Variants in ETV5 observed in about 807,000 individuals in gnomAD.
ETV5 encodes ETS translocation variant 5.
In ETV5, 10 loss-of-function variants were observed where a neutral mutation model predicts 70.0. The ratio of observed to expected loss-of-function variants is 0.14; its 90% CI spans 0.09 to 0.24. The LOEUF is 0.24. Ranked by LOEUF, ETV5 falls within the 10% of genes least tolerant of loss-of-function variation. The probability of loss-of-function intolerance (pLI) is 1.00; values close to 1 mark genes in which losing one functional copy is unlikely to be tolerated. For missense variants in ETV5, 453 were observed against 651.2 expected, an observed-to-expected ratio of 0.70 and a Z score of 3.31; for synonymous variants, 216 against 242.2, an observed-to-expected ratio of 0.89 and a Z score of 1.01.
chr3:186,107,157 A>G (rs1578565985), intron 1 of ETV5, among the ~76,000 whole-genome samples: 2 of 152,346 alleles, frequency 1.3e-5, no homozygotes, highest in East Asian at 3.9e-4. Flanking sequence ...CCAAGGAATC[A>G]GATATTTTCA....
rs552643410 is a variant in ETV5, at chr3:186,105,438, A to G, written c.181+11T>C. ...GTTTTATATGGAAAATAGGACATCCATGAAACTTGCCTTCAGCTAACCAAG... is the reference window on the plus strand; with the variant it reads ...GTTTTATATGGAAAATAGGACATCCGTGAAACTTGCCTTCAGCTAACCAAG... On this transcript the variant is annotated intron_variant, in intron 4 of 12. Coordinates refer to ENST00000306376, the MANE Select transcript of ETV5 (RefSeq NM_004454.3). The surrounding 1 kb of genome is among the most constrained non-coding windows in gnomAD (Gnocchi z 4.5). 5.9e-5 allele frequency: 96 copies of G among 1,614,038 alleles called. 1 individual carries two copies. In the South Asian group the frequency reaches 6.6e-4, roughly 11 times the overall value.
intron 5 of ETV5, among the ~76,000 whole-genome samples, chr3:186,097,882 G>T (rs1279322141): frequency 6.6e-6 from 1 of 152,204 alleles, no homozygotes; most frequent in Admixed American, 6.5e-5. Flanking sequence ...GCACAATGGG[G>T]TCTGGTTATT....
intron 7 of ETV5, among the ~76,000 whole-genome samples, chr3:186,071,906 T>C (rs1578547450): frequency 2.6e-5 from 4 of 151,800 alleles, no homozygotes; most frequent in Admixed American, 2.6e-4. Flanking sequence ...CAAGCAATTC[T>C]ACTGACTCAG....
At position 186,093,298 on chromosome 3, in the gene ETV5, G is replaced by T. The variant is rs189714787; in HGVS notation, c.232+12007C>A. On this transcript the variant is annotated intron_variant, in intron 5 of 12. Transcript: ENST00000306376. ...CAAGGAGGTTACACTTTACAGAAAA[G>T]GGCCTTAGTTGGGAGCATTCTCACA... Among the ~76,000 whole-genome samples the T allele has an allele frequency of 3.3e-5, 5 of 152,224 alleles. No individual in the cohort carries two copies. In the East Asian group the frequency reaches 9.6e-4, roughly 29 times the overall value.
chr3:186,073,548 T>C (rs1185019213), intron 7 of ETV5, among the ~76,000 whole-genome samples: 3 of 152,198 alleles, frequency 2.0e-5, no homozygotes, highest in Admixed American at 6.5e-5. Flanking sequence ...TCTACAATCA[T>C]TTAAAAATAC....
chr3:186,067,661 T>C (rs1466240454), intron 7 of ETV5, among the ~76,000 whole-genome samples: 1 of 150,374 alleles, frequency 6.7e-6, no homozygotes, highest in Non-Finnish European at 1.5e-5. Context: ...ATATGAAAAC[T>C]TACAAAACTT....
chr3:186,067,739 C>T (rs1468223493), intron 7 of ETV5, among the ~76,000 whole-genome samples: 1 of 152,124 alleles, frequency 6.6e-6, no homozygotes, highest in East Asian at 1.9e-4. Context: ...GGATATACCT[C>T]ACTGTATAAA....
intron 5 of ETV5, among the ~76,000 whole-genome samples, chr3:186,084,665 C>T (rs975916911): frequency 1.3e-5 from 2 of 152,114 alleles, no homozygotes; most frequent in Non-Finnish European, 2.9e-5. Context: ...TTCAAGCCCT[C>T]ACATTTATAG....
rs182651924 is a variant in ETV5 at position 186,065,926 on chromosome 3, T to C, written c.797A>G (p.Tyr266Cys). The C allele has an allele frequency of 1.9e-5, 31 of 1,613,272 alleles. No individual in the cohort carries two copies. Among genetic ancestry groups the C allele is most frequent in the Admixed American group, 1.0e-4 (6 of 59,870 alleles). The change falls in exon 8 of 13, where the codon TAC becomes TGC. Residue 266 changes from tyrosine to cysteine, a missense_variant. Around this residue, in one of 4 missense-constraint regions of ETV5, gnomAD observed 307 missense variants for 344.9 expected, o/e 0.89. Coordinates refer to ENST00000306376, the MANE Select transcript of ETV5 (RefSeq NM_004454.3). ...PPPPQGFKQE[Y>C]HDPLYEHGVP... is the part of the protein sequence containing the mutation. ...CCCATGTTCATAGAGTGGGTCATGG[T>C]ATTCTTGTTTGAATCCCTGAGGGGG...
chr3:186,046,673 AG>A lies in ETV5; in HGVS notation c.*1965del, dbSNP rs200001879. Reference sequence around the variant, plus strand: ...CTAAGACAGCATAAATCCATTCAAAAGAAAAAAAAAAAAAATCCAAACCAGG... The same window carrying A: ...CTAAGACAGCATAAATCCATTCAAAAAAAAAAAAAAAAAATCCAAACCAGG... On this transcript the variant is annotated 3_prime_UTR_variant, in exon 13 of 13. Coordinates refer to ENST00000306376, the MANE Select transcript of ETV5 (RefSeq NM_004454.3). The A allele has an allele frequency of 0.21, 34,367 of 167,106 alleles. 907 individuals carry two copies. The highest frequency in any genetic ancestry group is 0.32 in the East Asian group (3,637 of 11,298). The allele number at this position is 167,106 out of a possible 1,614,324, so 10.4% of individuals were successfully genotyped here.
At chr3:186,089,971 A>G (rs539184933) in intron 5 of ETV5, among the ~76,000 whole-genome samples, 2 of 152,358 alleles carry the variant, frequency 1.3e-5, no homozygotes, top group Admixed American at 1.3e-4. Flanking sequence ...GTGAAATGTT[A>G]TAATGCCTGA....
In ETV5 at chr3:186,047,579, A is replaced by G. The variant is rs1578532510; in HGVS notation, c.*1060T>C. On this transcript the variant is annotated 3_prime_UTR_variant, in exon 13 of 13. Coordinates refer to ENST00000306376, the MANE Select transcript of ETV5 (RefSeq NM_004454.3). Reference sequence around the variant, plus strand: ...ACATAGAGAATCTAAGCTTGTGTCCAGGCTGCCCTGCACACTTCAAAAATG... The same window carrying G: ...ACATAGAGAATCTAAGCTTGTGTCCGGGCTGCCCTGCACACTTCAAAAATG... 1.3e-5 allele frequency: 3 copies of G among 232,210 alleles called. No individual in the cohort carries two copies. The East Asian group carries it at 1.8e-4, about 14-fold the overall frequency. The allele number at this position is 232,210 out of a possible 1,614,324, so 14.4% of individuals were successfully genotyped here. A position where few individuals can be genotyped will look rare whatever the true frequency, so the allele number is the denominator to read the frequency against.
intron 1 of ETV5, chr3:186,107,063 C>A (rs906697394): frequency 4.5e-6 from 2 of 442,960 alleles, no homozygotes; most frequent in African/African-American, 4.3e-5. Context: ...GTTTTTCACA[C>A]TGTGTGTAGC....
At position 186,048,527 on chromosome 3, in the gene ETV5, ACT is replaced by A. The variant is rs1712936361; in HGVS notation, c.*110_*111del. 3.1e-6 allele frequency: 3 copies of A among 961,598 alleles called. No individual in the cohort carries two copies. The African/African-American group carries it at 4.9e-5, about 16-fold the overall frequency. The allele number at this position is 961,598 out of a possible 1,614,324, so 59.6% of individuals were successfully genotyped here. A position where few individuals can be genotyped will look rare whatever the true frequency, so the allele number is the denominator to read the frequency against. On this transcript the variant is annotated 3_prime_UTR_variant, in exon 13 of 13. Coordinates refer to ENST00000306376, the MANE Select transcript of ETV5 (RefSeq NM_004454.3). The stretch of plus-strand genomic sequence containing the variant: ...AGACAGCTTGGGTTCTCCAGATAAT[ACT>A]CAAAGGGCAAGCTTTAGGAACAACC...
chr3:186,054,386 T>C lies in ETV5; in HGVS notation c.1210-2255A>G, dbSNP rs78477494. ...GCAGCCACAGCCCAGGGAGTGGCTC[T>C]TTCTAGCAGCCCATCCCTTCAAACC... On this transcript the variant is annotated intron_variant, in intron 11 of 12. Transcript: ENST00000306376. The surrounding 1 kb of genome is among the most constrained non-coding windows in gnomAD (Gnocchi z 4.4). Among the ~76,000 whole-genome samples, 4,014 of 152,320 alleles carry C rather than the reference T, an allele frequency of 0.026. 73 individuals carry two copies. Among genetic ancestry groups the C allele is most frequent in the South Asian group, 0.063 (302 of 4,828 alleles).
intron 5 of ETV5, among the ~76,000 whole-genome samples, chr3:186,088,210 T>C (rs1189280214): frequency 6.6e-6 from 1 of 152,202 alleles, no homozygotes; most frequent in Non-Finnish European, 1.5e-5. Context: ...TCAACTGTCA[T>C]TATCCTCTTA....
intron 7 of ETV5, chr3:186,078,270 A>G (rs1713845105): frequency 1.1e-6 from 1 of 902,544 alleles, no homozygotes; most frequent in Non-Finnish European, 1.4e-6. Context: ...ATTTTCTTTT[A>G]CAGTTCATGG....
intron 5 of ETV5, among the ~76,000 whole-genome samples, chr3:186,092,574 C>T (rs571949717): frequency 2.2e-4 from 34 of 151,838 alleles, no homozygotes; most frequent in African/African-American, 7.0e-4. Context: ...GTGGGACCAC[C>T]GGTGCCTGCC....
At chr3:186,081,867 G>C (rs745649948) in intron 5 of ETV5, among the ~76,000 whole-genome samples, 1 of 152,216 alleles carries the variant, frequency 6.6e-6, no homozygotes, top group Non-Finnish European at 1.5e-5. Context: ...CTCAGTGACC[G>C]ACCAGCAAGG....
Sources: gnomAD v4.1 joint callset for allele counts (sites outside exome capture counted in the v4.1 genomes callset) on GRCh38, gnomAD v4.1.1 for gene constraint, gnomAD v4.1.1 regional missense constraint, Gnocchi (gnomAD v3.1) non-coding constraint, MANE v1.5 for transcripts, NCBI Gene and HGNC (gene_info 2026-07-23, HGNC 2026-07-21) for gene names.